The following PREX2 variants were observed in gnomAD, a reference collection of about 807,000 sequenced individuals.
PREX2 encodes the protein phosphatidylinositol-3,4,5-trisphosphate dependent Rac exchange factor 2, also known as phosphatidylinositol 3,4,5-trisphosphate-dependent Rac exchanger 2 protein.
In PREX2, 107 loss-of-function variants were observed where a neutral mutation model predicts 203.2. The observed-to-expected ratio is 0.53, with a 90% CI of 0.45 to 0.62. PREX2 has a LOEUF of 0.62. Ranked by LOEUF, PREX2 falls within the 20% of genes least tolerant of loss-of-function variation. The pLI is 0.00. For missense variants in PREX2, 1,777 were observed against 1,955.9 expected, an observed-to-expected ratio of 0.91 and a Z score of 1.72; for synonymous variants, 672 against 663.6, an observed-to-expected ratio of 1.01 and a Z score of -0.19.
Position 68,234,228 on chromosome 8 carries a change from T to C in PREX2, c.*2850T>C, listed in dbSNP as rs553239045. 48 of 152,294 alleles carry C rather than the reference T, an allele frequency of 3.2e-4. No individual in the cohort carries two copies. Among genetic ancestry groups the C allele is most frequent in the African/African-American group, 1.1e-3 (47 of 41,570 alleles). 9.4% of individuals were successfully genotyped at this position (152,294 alleles called of 1,614,324 possible). A position where few individuals can be genotyped will look rare whatever the true frequency, so the allele number is the denominator to read the frequency against. ...ATGCCATATGTACCTCCATGTGACA[T>C]TGGGCATTAAATGGCCTTGAGGTTT... On this transcript the variant is annotated 3_prime_UTR_variant, in exon 40 of 40. Coordinates refer to ENST00000288368, the MANE Select transcript of PREX2 (RefSeq NM_024870.4).
intron 1 of PREX2, among the ~76,000 whole-genome samples, chr8:67,992,052 A>G (rs6995663): frequency 0.52 from 79,492 of 151,886 alleles, 20,973 homozygotes; most frequent in South Asian, 0.61. Context: ...TGCATTAAGT[A>G]CTGAAGAGGG....
At chr8:68,037,638 G>C (rs1305610806) in intron 6 of PREX2, among the ~76,000 whole-genome samples, 1 of 152,110 alleles carries the variant, frequency 6.6e-6, no homozygotes, top group African/African-American at 2.4e-5. Flanking sequence ...AATAAATAGG[G>C]TGAAAGGCTC....
At chr8:67,957,087 A>T (rs1361483887) in intron 1 of PREX2, among the ~76,000 whole-genome samples, 1 of 152,190 alleles carries the variant, frequency 6.6e-6, no homozygotes, top group Non-Finnish European at 1.5e-5. Context: ...TATTTTGCTG[A>T]TGCTACAGTT....
chr8:68,113,374 A>G (rs10701456), intron 25 of PREX2, among the ~76,000 whole-genome samples: 4,048 of 152,248 alleles, frequency 0.027, 178 homozygotes, highest in African/African-American at 0.092. Context: ...GAACTCCTGC[A>G]TTTTTTCCCT....
chr8:68,070,239 A>G (rs1313016913), intron 13 of PREX2, among the ~76,000 whole-genome samples: 1 of 151,782 alleles, frequency 6.6e-6, no homozygotes, highest in East Asian at 1.9e-4. Flanking sequence ...TTACTTGTAT[A>G]TTAACTTTCT....
intron 23 of PREX2, among the ~76,000 whole-genome samples, chr8:68,106,514 G>A (rs746558490): frequency 3.9e-5 from 6 of 151,910 alleles, no homozygotes; most frequent in Admixed American, 6.6e-5. Context: ...CCTACTGTGC[G>A]CTGGCACATG....
intron 1 of PREX2, among the ~76,000 whole-genome samples, chr8:67,974,439 A>G (rs9886629): frequency 0.11 from 17,439 of 152,208 alleles, 1,136 homozygotes; most frequent in African/African-American, 0.19. Context: ...TTCTGAAAAT[A>G]TATTTTAATA....
chr8:68,218,061 A>C (rs1812880245), intron 38 of PREX2, among the ~76,000 whole-genome samples: 1 of 135,702 alleles, frequency 7.4e-6, no homozygotes, highest in Non-Finnish European at 1.5e-5. Context: ...GTTAGTGGTA[A>C]AGCTTGGGAC....
chr8:68,080,848 A>G lies in PREX2; in HGVS notation c.1878+10A>G. 7.5e-7 allele frequency: 1 copy of G among 1,333,134 alleles called. No individual in the cohort carries two copies. The highest frequency in any genetic ancestry group is 1.1e-6 in the Non-Finnish European group (1 of 941,556). The allele number at this position is 1,333,134 out of a possible 1,614,324, so 82.6% of individuals were successfully genotyped here. A position where few individuals can be genotyped will look rare whatever the true frequency, so the allele number is the denominator to read the frequency against. Reference sequence around the variant, plus strand: ...GGGATCTAATGCTGAGGTAATGTAAATTAGCGTTTTAATTTAAATTTGTTA... The same window carrying G: ...GGGATCTAATGCTGAGGTAATGTAAGTTAGCGTTTTAATTTAAATTTGTTA... On this transcript the variant is annotated intron_variant, in intron 17 of 39. Transcript: ENST00000288368.
At chr8:68,219,309 A>C (rs1317999182) in intron 38 of PREX2, among the ~76,000 whole-genome samples, 2 of 151,586 alleles carry the variant, frequency 1.3e-5, no homozygotes, top group Non-Finnish European at 2.9e-5. Flanking sequence ...GAAAATAGAG[A>C]AAAAGTAATA....
At chr8:68,220,707 G>T (rs1009760393) in intron 38 of PREX2, among the ~76,000 whole-genome samples, 2 of 152,128 alleles carry the variant, frequency 1.3e-5, no homozygotes, top group African/African-American at 4.8e-5. Context: ...GCTGGGATAA[G>T]TCTTACTCAT....
At chr8:68,194,232 G>A (rs7007570) in intron 37 of PREX2, among the ~76,000 whole-genome samples, 101,865 of 152,050 alleles carry the variant, frequency 0.67, 34,351 homozygotes, top group Admixed American at 0.77. Context: ...AGTTGCTGGG[G>A]ATACAGCATT....
At chr8:68,084,998 C>A (rs1299008474) in intron 18 of PREX2, among the ~76,000 whole-genome samples, 1 of 152,106 alleles carries the variant, frequency 6.6e-6, no homozygotes, top group African/African-American at 2.4e-5. Context: ...GCTAGATGAG[C>A]AGAATAGCAA....
chr8:67,997,785 T>G (rs1806809141), intron 1 of PREX2, among the ~76,000 whole-genome samples: 1 of 152,138 alleles, frequency 6.6e-6, no homozygotes, highest in African/African-American at 2.4e-5. Flanking sequence ...TCTTAAAATA[T>G]ATATTGTCAT....
intron 30 of PREX2, among the ~76,000 whole-genome samples, chr8:68,125,875 A>AT (rs1810875846): frequency 6.6e-6 from 1 of 151,886 alleles, no homozygotes; most frequent in South Asian, 2.1e-4. Flanking sequence ...AATTACAATG[A>AT]TTTTTCTGGC....
chr8:68,201,600 T>C lies in PREX2; in HGVS notation c.4604+9075T>C, dbSNP rs1209251917. On this transcript the variant is annotated intron_variant, in intron 37 of 39. Transcript: ENST00000288368. ...CTGCTTTTATTTATTCTGGCTGTGC[T>C]GGCAGCTGATTGGATGGGGCCCACC... is the stretch of plus-strand genomic sequence containing the variant. Among the ~76,000 whole-genome samples, 3 of 152,178 alleles carry C rather than the reference T, an allele frequency of 2.0e-5. No individual in the cohort carries two copies. The South Asian group carries it at 6.2e-4, about 31-fold the overall frequency.
chr8:68,079,959 A>C (rs908555429), intron 15 of PREX2, among the ~76,000 whole-genome samples: 1 of 149,560 alleles, frequency 6.7e-6, no homozygotes, highest in African/African-American at 2.5e-5. Context: ...TATTGGAACA[A>C]AAGTGAACAC....
chr8:68,172,917 G>C (rs973602191), intron 35 of PREX2, among the ~76,000 whole-genome samples: 2 of 152,178 alleles, frequency 1.3e-5, no homozygotes, highest in African/African-American at 4.8e-5. Flanking sequence ...TGCTCAAATA[G>C]TGTGATTATT....
At chr8:68,228,520 T>G (rs1006160308) in intron 39 of PREX2, among the ~76,000 whole-genome samples, 1 of 151,992 alleles carries the variant, frequency 6.6e-6, no homozygotes, top group African/African-American at 2.4e-5. Context: ...CCCAGCACTT[T>G]GGGAGGCCGA....
Sources: gnomAD v4.1 joint callset for allele counts (sites outside exome capture counted in the v4.1 genomes callset) on GRCh38, gnomAD v4.1.1 for gene constraint, MANE v1.5 for transcripts, NCBI Gene and HGNC (gene_info 2026-07-23, HGNC 2026-07-21) for gene names.